MAP2: variants seen among roughly 807,000 people sequenced by gnomAD.
The protein encoded by MAP2 is microtubule associated protein 2, also known as microtubule-associated protein 2.
In MAP2, 14 loss-of-function variants were observed where a neutral mutation model predicts 137.6. The ratio of observed to expected loss-of-function variants is 0.10; its 90% CI spans 0.07 to 0.16. The LOEUF (loss-of-function observed/expected upper bound fraction) is 0.16, where lower values mean the gene tolerates loss of function less well. MAP2 is among the 10% of genes least tolerant of loss of function. The pLI, the probability that MAP2 is intolerant of heterozygous loss-of-function variation, is 1.00. For synonymous variants in MAP2, 786 were observed against 782.3 expected, an observed-to-expected ratio of 1.00 and a Z score of -0.08; for missense variants, 2,088 against 2,191.5, an observed-to-expected ratio of 0.95 and a Z score of 0.94.
Position 209,710,251 on chromosome 2 carries a change from G to T in MAP2, c.5070G>T (p.Gly1690=). Residue 1690 remains glycine, a synonymous_variant, in exon 13 of 16, where the codon GGG becomes GGT. Coordinates refer to ENST00000682079, the MANE Select transcript of MAP2 (RefSeq NM_001375505.1). ...TDNIKYQPKG[G]QVQIVTKKID... ...ACATCAAATACCAGCCTAAAGGGGG[G>T]CAGGTAAGAATTGCATGAACACATA... is the stretch of plus-strand genomic sequence containing the variant. 1.3e-6 allele frequency: 2 copies of T among 1,566,522 alleles called. No homozygotes were observed. Among genetic ancestry groups the T allele is most frequent in the Non-Finnish European group, 1.7e-6 (2 of 1,154,618 alleles).
chr2:209,637,518 G>A (rs2093665617), intron 4 of MAP2, among the ~76,000 whole-genome samples: 1 of 151,940 alleles, frequency 6.6e-6, no homozygotes, highest in South Asian at 2.1e-4. Context: ...GATAGGATGA[G>A]ATGAGATAAG....
At chr2:209,608,815 C>G (rs2153479574) in intron 3 of MAP2, among the ~76,000 whole-genome samples, 1 of 152,228 alleles carries the variant, frequency 6.6e-6, no homozygotes, top group East Asian at 1.9e-4. Flanking sequence ...TCCCACTGTT[C>G]TCTGTTGTGT....
intron 1 of MAP2, among the ~76,000 whole-genome samples, chr2:209,472,562 G>A (rs898697052): frequency 2.5e-4 from 38 of 152,128 alleles, no homozygotes; most frequent in African/African-American, 8.7e-4. Flanking sequence ...GAAGATTGAA[G>A]AGCACAATTC....
At chr2:209,450,186 C>T (rs1354016211) in intron 1 of MAP2, among the ~76,000 whole-genome samples, 4 of 152,186 alleles carry the variant, frequency 2.6e-5, no homozygotes, top group Non-Finnish European at 5.9e-5. Flanking sequence ...AAGTAATCCA[C>T]CTGCCTCGGC....
chr2:209,543,561 A>G (rs1265330695), intron 2 of MAP2, among the ~76,000 whole-genome samples: 1 of 152,254 alleles, frequency 6.6e-6, no homozygotes, highest in Non-Finnish European at 1.5e-5. Flanking sequence ...GCAATGCTGT[A>G]TAGTATTCAT....
rs2043317668 is a variant in MAP2, at chr2:209,660,976, C to T, written c.262+7544C>T. Among the ~76,000 whole-genome samples the T allele has an allele frequency of 2.0e-5, 3 of 150,476 alleles. No individual in the cohort carries two copies. The South Asian group carries it at 6.3e-4, about 32-fold the overall frequency. ...ATCCAGGATGGTCTTCATATCCTGA[C>T]CTCGTGATCCGCCCGCCTCGGCATC... On this transcript the variant is annotated intron_variant, in intron 5 of 15. Coordinates refer to ENST00000682079, the MANE Select transcript of MAP2 (RefSeq NM_001375505.1).
At chr2:209,659,642 T>C (rs1317289713) in intron 5 of MAP2, among the ~76,000 whole-genome samples, 1 of 152,176 alleles carries the variant, frequency 6.6e-6, no homozygotes, top group Non-Finnish European at 1.5e-5. Context: ...AATTTTGAGA[T>C]GTTTATTGAT....
In MAP2 at chr2:209,694,272, C is replaced by T. The variant is rs2059650909; in HGVS notation, c.2102C>T (p.Ser701Leu). 1 of 1,613,932 alleles carries T rather than the reference C, an allele frequency of 6.2e-7. No individual in the cohort carries two copies. The highest frequency in any genetic ancestry group is 1.3e-5 in the African/African-American group (1 of 74,898). ...GRSAIEQRSM[S>L]INLPMSCLDS... is the part of the protein sequence containing the mutation. The stretch of plus-strand genomic sequence containing the variant: ...TCTGCAATAGAACAAAGAAGCATGT[C>T]AATCAATTTGCCGATGTCTTGCCTA... The change falls in exon 8 of 16, where the codon TCA becomes TTA. Residue 701 changes from serine to leucine, a missense_variant. Coordinates refer to ENST00000682079, the MANE Select transcript of MAP2 (RefSeq NM_001375505.1).
intron 1 of MAP2, among the ~76,000 whole-genome samples, chr2:209,488,316 A>T (rs565330009): frequency 6.6e-6 from 1 of 152,266 alleles, no homozygotes; most frequent in South Asian, 2.1e-4. Flanking sequence ...TCGGGTGCCT[A>T]TACCACAAAG....
chr2:209,637,249 C>A lies in MAP2; in HGVS notation c.-30+12120C>A, dbSNP rs369281646. Among the ~76,000 whole-genome samples, 3 of 152,030 alleles carry A rather than the reference C, an allele frequency of 2.0e-5. No homozygotes were observed. The East Asian group carries it at 5.8e-4, about 29-fold the overall frequency. On this transcript the variant is annotated intron_variant, in intron 4 of 15. Coordinates refer to ENST00000682079, the MANE Select transcript of MAP2 (RefSeq NM_001375505.1). ...CTTGAGGTCAGGAATTCAAGACCAC[C>A]CTAGCCAATATGGTGAAACCCTATC...
intron 5 of MAP2, among the ~76,000 whole-genome samples, chr2:209,665,241 TTGA>T (rs1459756374): frequency 1.3e-5 from 2 of 152,140 alleles, no homozygotes; most frequent in African/African-American, 4.8e-5. Flanking sequence ...AGATATTTTC[TTGA>T]TGATGAAAAT....
intron 2 of MAP2, among the ~76,000 whole-genome samples, chr2:209,521,857 T>C (rs868098036): frequency 6.6e-6 from 1 of 152,204 alleles, no homozygotes; most frequent in Non-Finnish European, 1.5e-5. Context: ...ATGGTATTAT[T>C]TTTTCAATAA....
At chr2:209,461,302 C>A (rs1467435468) in intron 1 of MAP2, among the ~76,000 whole-genome samples, 1 of 152,204 alleles carries the variant, frequency 6.6e-6, no homozygotes, top group Non-Finnish European at 1.5e-5. Context: ...CTCAGTTGCA[C>A]TGCCCTCATT....
chr2:209,468,479 C>A (rs1198926333), intron 1 of MAP2, among the ~76,000 whole-genome samples: 1 of 151,752 alleles, frequency 6.6e-6, no homozygotes, highest in Non-Finnish European at 1.5e-5. Context: ...CACCACCACG[C>A]CCGGCTAATT....
Position 209,695,273 on chromosome 2 carries a change from G to A in MAP2, c.3103G>A (p.Glu1035Lys). Residue 1035 changes from glutamate to lysine, a missense_variant, in exon 8 of 16, where the codon GAA (glutamate) becomes AAA (lysine). Coordinates refer to ENST00000682079, the MANE Select transcript of MAP2 (RefSeq NM_001375505.1). The part of the protein sequence containing the change: ...IAEVEPSKKV[E>K]QGLDFAVQGQ... ...TGAGGTAGAACCATCCAAAAAGGTG[G>A]AACAAGGTCTGGATTTTGCTGTCCA... 1 of 1,613,922 alleles carries A rather than the reference G, an allele frequency of 6.2e-7. No individual in the cohort carries two copies. The highest frequency in any genetic ancestry group is 8.5e-7 in the Non-Finnish European group (1 of 1,179,950).
intron 3 of MAP2, among the ~76,000 whole-genome samples, chr2:209,590,938 G>A (rs563357665): frequency 4.6e-5 from 7 of 152,068 alleles, no homozygotes; most frequent in Admixed American, 2.0e-4. Context: ...AATGACTCCT[G>A]TTTATTTAAT....
chr2:209,696,720 C>G lies in MAP2; in HGVS notation c.4359C>G (p.Val1453=), dbSNP rs754444071. The part of the protein sequence containing the change: ...RKVAKKEPST[V]SRDEVRRKKA... The stretch of plus-strand genomic sequence containing the variant: ...TAGCTAAAAAGGAACCTAGCACAGT[C>G]TCCAGAGATGAAGTGAGAAGGAAAA... Residue 1453 remains valine, a synonymous_variant, in exon 9 of 16, where the codon GTC becomes GTG. Coordinates refer to ENST00000682079, the MANE Select transcript of MAP2 (RefSeq NM_001375505.1). 1.2e-6 allele frequency: 2 copies of G among 1,611,848 alleles called. No homozygotes were observed. The highest frequency in any genetic ancestry group is 2.2e-5 in the South Asian group (2 of 90,086).
chr2:209,564,767 C>G (rs778947387), intron 2 of MAP2, among the ~76,000 whole-genome samples: 29 of 152,170 alleles, frequency 1.9e-4, no homozygotes, highest in Non-Finnish European at 3.8e-4. Context: ...ATCATCAGAT[C>G]ATGCAAATCT....
chr2:209,590,201 C>T (rs911694447), intron 3 of MAP2, among the ~76,000 whole-genome samples: 1 of 152,154 alleles, frequency 6.6e-6, no homozygotes, highest in African/African-American at 2.4e-5. Flanking sequence ...ACATCACTAC[C>T]TTAATCTTCC....
Sources: allele counts gnomAD v4.1 joint callset (sites outside exome capture counted in the v4.1 genomes callset), GRCh38; gene constraint gnomAD v4.1.1; transcripts MANE v1.5; gene names NCBI Gene and HGNC (gene_info 2026-07-23, HGNC 2026-07-21).